The following C2CD4A variants were observed in gnomAD, a reference collection of about 807,000 sequenced individuals.
C2CD4A encodes the protein C2 calcium-dependent domain-containing protein 4A.
C2CD4A carries 2 observed loss-of-function variants against 0.4 expected under a neutral mutation model. The observed-to-expected ratio is 4.45, with a 90% CI of 1.82 to 13.99. C2CD4A has a LOEUF of 13.99. C2CD4A is among the 30% of genes most tolerant of loss of function. The probability of loss-of-function intolerance (pLI) is 0.04; values close to 1 mark genes in which losing one functional copy is unlikely to be tolerated. For synonymous variants in C2CD4A, 297 were observed against 280.8 expected, an observed-to-expected ratio of 1.06 and a Z score of -0.58; for missense variants, 610 against 574.2, an observed-to-expected ratio of 1.06 and a Z score of -0.64.
rs2049077336 is a variant in C2CD4A at position 62,070,638 on chromosome 15, C to T, written c.*1915C>T. 2.4e-6 allele frequency: 1 copy of T among 412,386 alleles called. No homozygotes were observed. The highest frequency in any genetic ancestry group is 4.4e-6 in the Non-Finnish European group (1 of 225,618). 25.5% of individuals were successfully genotyped at this position (412,386 alleles called of 1,614,324 possible). A position where few individuals can be genotyped will look rare whatever the true frequency, so the allele number is the denominator to read the frequency against. ...TTATTGTGATGTGTATTTATGATGA[C>T]CATTGAACAAATGTGAAGAATACTG... On this transcript the variant is annotated 3_prime_UTR_variant, in exon 2 of 2. Coordinates refer to ENST00000355522, the MANE Select transcript of C2CD4A (RefSeq NM_207322.3).
At position 62,067,604 on chromosome 15, in the gene C2CD4A, G is replaced by A. The variant is rs1010877476; in HGVS notation, c.-10G>A. Reference sequence around the variant, plus strand: ...CTGCAGGTAGACAAGCTCCAGCAGAGAGTGGCCAGATGTGGTGCCTGGAGC... The same window carrying A: ...CTGCAGGTAGACAAGCTCCAGCAGAAAGTGGCCAGATGTGGTGCCTGGAGC... On this transcript the variant is annotated 5_prime_UTR_variant, in exon 2 of 2. Transcript: ENST00000355522. 1 of 1,575,560 alleles carries A rather than the reference G, an allele frequency of 6.3e-7. No individual in the cohort carries two copies. The highest frequency in any genetic ancestry group is 1.1e-5 in the South Asian group (1 of 87,008).
At position 62,070,274 on chromosome 15, in the gene C2CD4A, T is replaced by A. The variant is rs755175688; in HGVS notation, c.*1551T>A. On this transcript the variant is annotated 3_prime_UTR_variant, in exon 2 of 2. Coordinates refer to ENST00000355522, the MANE Select transcript of C2CD4A (RefSeq NM_207322.3). ...GTTAAATATGACTCCATTATCAATCTGGATTCAGAAATGGTTTCTGCTTTA... is the reference window on the plus strand; with the variant it reads ...GTTAAATATGACTCCATTATCAATCAGGATTCAGAAATGGTTTCTGCTTTA... 17 of 413,042 alleles carry A rather than the reference T, an allele frequency of 4.1e-5. No individual in the cohort carries two copies. Among genetic ancestry groups the A allele is most frequent in the Non-Finnish European group, 6.6e-5 (15 of 226,146 alleles). 25.6% of individuals were successfully genotyped at this position (413,042 alleles called of 1,614,324 possible).
Position 62,070,646 on chromosome 15 carries a change from C to A in C2CD4A, c.*1923C>A, listed in dbSNP as rs1274636377. ...ATGTGTATTTATGATGACCATTGAA[C>A]AAATGTGAAGAATACTGTGAATTCT... On this transcript the variant is annotated 3_prime_UTR_variant, in exon 2 of 2. Coordinates refer to ENST00000355522, the MANE Select transcript of C2CD4A (RefSeq NM_207322.3). The A allele has an allele frequency of 4.9e-6, 2 of 411,198 alleles. No individual in the cohort carries two copies. The highest frequency in any genetic ancestry group is 4.1e-5 in the African/African-American group (2 of 48,558). 25.5% of individuals were successfully genotyped at this position (411,198 alleles called of 1,614,324 possible).
At position 62,067,908 on chromosome 15, in the gene C2CD4A, G is replaced by A. The variant is rs373748365; in HGVS notation, c.295G>A (p.Val99Met). ...AALSLPHLPRVRTAYGFCALL... is the reference protein window; with the variant it reads ...AALSLPHLPRMRTAYGFCALL... ...GCTGTCACTGCCGCACCTGCCCCGT[G>A]TGCGCACCGCCTACGGCTTCTGCGC... The change falls in exon 2 of 2, where the codon GTG becomes ATG. Residue 99 changes from valine (V) to methionine (M), a missense_variant. Coordinates refer to ENST00000355522, the MANE Select transcript of C2CD4A (RefSeq NM_207322.3). The A allele has an allele frequency of 5.0e-6, 8 of 1,595,450 alleles. No individual in the cohort carries two copies. Among genetic ancestry groups the A allele is most frequent in the Admixed American group, 1.7e-5 (1 of 59,346 alleles).
rs769796624 is a variant in C2CD4A at position 62,067,742 on chromosome 15, G to A, written c.129G>A (p.Pro43=). The part of the protein sequence containing the change: ...TTAACANVLT[P]DRIPEFCIPP... The stretch of plus-strand genomic sequence containing the variant: ...CCGCGTGCGCAAATGTGCTCACTCC[G>A]GACCGCATCCCTGAGTTCTGCATCC... The change falls in exon 2 of 2, where the codon CCG becomes CCA. Residue 43 remains proline, a synonymous_variant. Coordinates refer to ENST00000355522, the MANE Select transcript of C2CD4A (RefSeq NM_207322.3). 2 of 1,612,760 alleles carry A rather than the reference G, an allele frequency of 1.2e-6. No homozygotes were observed. Among genetic ancestry groups the A allele is most frequent in the Non-Finnish European group, 1.7e-6 (2 of 1,179,950 alleles).
rs763659445 is a variant in C2CD4A at position 62,068,603 on chromosome 15, G to A, written c.990G>A (p.Ser330=). 1.9e-5 allele frequency: 30 copies of A among 1,566,042 alleles called. No homozygotes were observed. In the South Asian group the frequency reaches 2.5e-4, roughly 13 times the overall value. The change falls in exon 2 of 2, where the codon TCG becomes TCA. Residue 330 remains serine (S), a synonymous_variant. Transcript: ENST00000355522. The stretch of plus-strand genomic sequence containing the variant: ...AGGACTTCTGCTTCGACGGCCTCTC[G>A]GAGGACGAAGTGCGCCGCCTGGCCG... ...FDQDFCFDGL[S]EDEVRRLAVR...
chr15:62,070,741 A>G lies in C2CD4A; in HGVS notation c.*2018A>G, dbSNP rs1320209438. On this transcript the variant is annotated 3_prime_UTR_variant, in exon 2 of 2. Transcript: ENST00000355522. ...GACCAAATGAATGATGACATAGAGT[A>G]GTTCAGATCTATCATGTGCTCTTCT... 1 of 379,016 alleles carries G rather than the reference A, an allele frequency of 2.6e-6. No homozygotes were observed. Among genetic ancestry groups the G allele is most frequent in the African/African-American group, 2.1e-5 (1 of 48,038 alleles). 23.5% of individuals were successfully genotyped at this position (379,016 alleles called of 1,614,324 possible).
At position 62,068,017 on chromosome 15, in the gene C2CD4A, A is replaced by ACGG. The variant is rs947333052; in HGVS notation, c.418_420dup (p.Gly140dup). 5.9e-5 allele frequency: 76 copies of ACGG among 1,288,722 alleles called. No homozygotes were observed. Among genetic ancestry groups the ACGG allele is most frequent in the South Asian group, 3.2e-4 (12 of 37,848 alleles). 79.8% of individuals were successfully genotyped at this position (1,288,722 alleles called of 1,614,324 possible). On this transcript the variant is annotated inframe_insertion, in exon 2 of 2. Transcript: ENST00000355522. ...GCGCCCCGGCCCCGGGCCCACACCT[A>ACGG]CGGCGGCGGCGGCGGCCCGGACGCC...
In C2CD4A at chr15:62,067,635, C is replaced by T. The variant is rs529518926; in HGVS notation, c.22C>T (p.Arg8Cys). The T allele has an allele frequency of 2.5e-5, 40 of 1,598,652 alleles. No individual in the cohort carries two copies. The East Asian group carries it at 9.0e-4, about 36-fold the overall frequency. The change falls in exon 2 of 2, where the codon CGC becomes TGC. Residue 8 changes from arginine (R) to cysteine (C), a missense_variant. Arg to Cys is a radical substitution (Grantham distance 180, BLOSUM62 -3). Coordinates refer to ENST00000355522, the MANE Select transcript of C2CD4A (RefSeq NM_207322.3). ...CCAGATGTGGTGCCTGGAGCGACTC[C>T]GCTTGGGTCCTGAGTGCCTTCGGCG... MWCLERL[R>C]LGPECLRRSG...
chr15:62,068,697 T>A lies in C2CD4A; in HGVS notation c.1084T>A (p.Ser362Thr), dbSNP rs2049064248. The A allele has an allele frequency of 6.5e-7, 1 of 1,528,808 alleles. No homozygotes were observed. The highest frequency in any genetic ancestry group is 2.5e-5 in the East Asian group (1 of 40,194). The allele number at this position is 1,528,808 out of a possible 1,614,324, so 94.7% of individuals were successfully genotyped here. ...RGRLLGQGEL[S>T]LGALLLL ...CCGCCTGCTGGGCCAGGGTGAGCTGTCCCTGGGCGCCCTCCTGCTGCTCTG... is the reference window on the plus strand; with the variant it reads ...CCGCCTGCTGGGCCAGGGTGAGCTGACCCTGGGCGCCCTCCTGCTGCTCTG... Residue 362 changes from serine to threonine, a missense_variant, in exon 2 of 2, where the codon TCC becomes ACC. Ser to Thr is a moderately conservative substitution (Grantham distance 58). Transcript: ENST00000355522.
Position 62,068,287 on chromosome 15 carries a change from G to T in C2CD4A, c.674G>T (p.Arg225Leu). Residue 225 changes from arginine to leucine, a missense_variant, in exon 2 of 2, where the codon CGG (arginine) becomes CTG (leucine). By Grantham distance (102) the Arg-to-Leu change is moderately radical (BLOSUM62 -2). Transcript: ENST00000355522. ...ERRAGSQSPA[R>L]APSTSPPSSR... The stretch of plus-strand genomic sequence containing the variant: ...CGCGCGGGCTCCCAGTCCCCGGCCC[G>T]GGCCCCCTCCACGAGCCCGCCGTCG... The T allele has an allele frequency of 7.1e-7, 1 of 1,405,638 alleles. No homozygotes were observed. The highest frequency in any genetic ancestry group is 9.3e-7 in the Non-Finnish European group (1 of 1,081,022). The allele number at this position is 1,405,638 out of a possible 1,614,324, so 87.1% of individuals were successfully genotyped here.
rs1373924270 is a variant in C2CD4A, at chr15:62,070,487, A to C, written c.*1764A>C. On this transcript the variant is annotated 3_prime_UTR_variant, in exon 2 of 2. Transcript: ENST00000355522. Reference sequence around the variant, plus strand: ...CCGACCAGTTTCTGCTTTTATTAAAATTGTTCACAGTTTTATACATTCATG... The same window carrying C: ...CCGACCAGTTTCTGCTTTTATTAAACTTGTTCACAGTTTTATACATTCATG... 1.5e-5 allele frequency: 6 copies of C among 413,394 alleles called. No individual in the cohort carries two copies. The highest frequency in any genetic ancestry group is 4.4e-5 in the Admixed American group (1 of 22,722). The allele number at this position is 413,394 out of a possible 1,614,324, so 25.6% of individuals were successfully genotyped here. A position where few individuals can be genotyped will look rare whatever the true frequency, so the allele number is the denominator to read the frequency against.
At position 62,067,719 on chromosome 15, in the gene C2CD4A, G is replaced by A. The variant is rs1325634859; in HGVS notation, c.106G>A (p.Ala36Thr). 1.9e-6 allele frequency: 3 copies of A among 1,611,320 alleles called. No individual in the cohort carries two copies. Among genetic ancestry groups the A allele is most frequent in the African/African-American group, 1.3e-5 (1 of 75,036 alleles). The change falls in exon 2 of 2, where the codon GCG (alanine) becomes ACG (threonine). Residue 36 changes from alanine to threonine, a missense_variant. Ala to Thr is a moderately conservative substitution (Grantham distance 58). Coordinates refer to ENST00000355522, the MANE Select transcript of C2CD4A (RefSeq NM_207322.3). ...CGGAGCCAAGTCTCGCACCACCGCC[G>A]CGTGCGCAAATGTGCTCACTCCGGA... is the stretch of plus-strand genomic sequence containing the variant. ...ARGAKSRTTA[A>T]CANVLTPDRI...
rs760432908 is a variant in C2CD4A at position 62,067,907 on chromosome 15, T to G, written c.294T>G (p.Arg98=). 6.3e-7 allele frequency: 1 copy of G among 1,595,914 alleles called. No individual in the cohort carries two copies. The highest frequency in any genetic ancestry group is 1.1e-5 in the South Asian group (1 of 89,946). Residue 98 remains arginine (R), a synonymous_variant, in exon 2 of 2, where the codon CGT becomes CGG. Coordinates refer to ENST00000355522, the MANE Select transcript of C2CD4A (RefSeq NM_207322.3). The stretch of plus-strand genomic sequence containing the variant: ...CGCTGTCACTGCCGCACCTGCCCCG[T>G]GTGCGCACCGCCTACGGCTTCTGCG... ...QAALSLPHLP[R]VRTAYGFCAL...
chr15:62,068,020 G>C lies in C2CD4A; in HGVS notation c.407G>C (p.Gly136Ala). 1 of 1,276,872 alleles carries C rather than the reference G, an allele frequency of 7.8e-7. No individual in the cohort carries two copies. Among genetic ancestry groups the C allele is most frequent in the Non-Finnish European group, 9.8e-7 (1 of 1,019,746 alleles). The allele number at this position is 1,276,872 out of a possible 1,614,324, so 79.1% of individuals were successfully genotyped here. ...PAPRPRAHTY[G>A]GGGGPDALLG... Reference sequence around the variant, plus strand: ...CCCCGGCCCCGGGCCCACACCTACGGCGGCGGCGGCGGCCCGGACGCCCTC... The same window carrying C: ...CCCCGGCCCCGGGCCCACACCTACGCCGGCGGCGGCGGCCCGGACGCCCTC... The change falls in exon 2 of 2, where the codon GGC (glycine) becomes GCC (alanine). Residue 136 changes from glycine (G) to alanine (A), a missense_variant. Coordinates refer to ENST00000355522, the MANE Select transcript of C2CD4A (RefSeq NM_207322.3).
rs753456888 is a variant in C2CD4A, at chr15:62,070,682, CA to C, written c.*1963del. 2.5e-4 allele frequency: 100 copies of C among 405,484 alleles called. No individual in the cohort carries two copies. Among genetic ancestry groups the C allele is most frequent in the East Asian group, 2.2e-3 (62 of 27,586 alleles). The allele number at this position is 405,484 out of a possible 1,614,324, so 25.1% of individuals were successfully genotyped here. On this transcript the variant is annotated 3_prime_UTR_variant, in exon 2 of 2. Coordinates refer to ENST00000355522, the MANE Select transcript of C2CD4A (RefSeq NM_207322.3). ...AATACTGTGAATTCTATGACTTTAT[CA>C]AAATCAGCCACATCCAGGAGCTTGC... is the stretch of plus-strand genomic sequence containing the variant.
At position 62,068,499 on chromosome 15, in the gene C2CD4A, C is replaced by G. The variant is rs1200986637; in HGVS notation, c.886C>G (p.Leu296Val). ...CCGAGCCGTCAGCTGTCGCCTCAGCCTCGTCCTGCGGCCGCCGGGCACCGC... is the reference window on the plus strand; with the variant it reads ...CCGAGCCGTCAGCTGTCGCCTCAGCGTCGTCCTGCGGCCGCCGGGCACCGC... ...GPRAVSCRLS[L>V]VLRPPGTALR... The change falls in exon 2 of 2, where the codon CTC (leucine) becomes GTC (valine). Residue 296 changes from leucine (L) to valine (V), a missense_variant. Physicochemically the swap from Leu to Val is conservative, Grantham distance 32. Coordinates refer to ENST00000355522, the MANE Select transcript of C2CD4A (RefSeq NM_207322.3). The G allele has an allele frequency of 6.6e-7, 1 of 1,510,102 alleles. No individual in the cohort carries two copies. The highest frequency in any genetic ancestry group is 2.1e-5 in the Admixed American group (1 of 47,578). 93.5% of individuals were successfully genotyped at this position (1,510,102 alleles called of 1,614,324 possible).
Position 62,068,385 on chromosome 15 carries a change from C to T in C2CD4A, c.772C>T (p.Arg258Cys). 2.2e-6 allele frequency: 3 copies of T among 1,369,486 alleles called. No individual in the cohort carries two copies. Among genetic ancestry groups the T allele is most frequent in the African/African-American group, 1.5e-5 (1 of 65,712 alleles). The allele number at this position is 1,369,486 out of a possible 1,614,324, so 84.8% of individuals were successfully genotyped here. ...TCTGGGCCGCGCCGGCGACGCCCTG[C>T]GCCTGGCCGCCGAGTACTGTCCGGG... Reference protein sequence around the residue: ...VALGRAGDALRLAAEYCPGTG... With the variant: ...VALGRAGDALCLAAEYCPGTG... Residue 258 changes from arginine to cysteine, a missense_variant, in exon 2 of 2, where the codon CGC becomes TGC. Arg to Cys is a radical substitution (Grantham distance 180, BLOSUM62 -3). Transcript: ENST00000355522.
Position 62,067,589 on chromosome 15 carries a change from A to T in C2CD4A, c.-25A>T. The T allele has an allele frequency of 6.4e-7, 1 of 1,558,718 alleles. No homozygotes were observed. Among genetic ancestry groups the T allele is most frequent in the South Asian group, 1.2e-5 (1 of 84,394 alleles). On this transcript the variant is annotated 5_prime_UTR_variant, in exon 2 of 2. Transcript: ENST00000355522. ...TTGTGCCTTTGTGCACTGCAGGTAG[A>T]CAAGCTCCAGCAGAGAGTGGCCAGA...
Sources: gnomAD v4.1 joint callset for allele counts on GRCh38, gnomAD v4.1.1 for gene constraint, MANE v1.5 for transcripts, NCBI Gene and HGNC (gene_info 2026-07-23, HGNC 2026-07-21) for gene names.